The following HOMER2 variants were observed in gnomAD, a reference collection of about 807,000 sequenced individuals.
HOMER2 encodes the protein homer scaffold protein 2, also known as homer protein homolog 2.
Under a neutral mutation model 47.0 loss-of-function variants are expected in HOMER2, and 27 were observed. The observed-to-expected ratio is 0.57, with a 90% CI of 0.42 to 0.79. The LOEUF (loss-of-function observed/expected upper bound fraction) is 0.79, where lower values mean the gene tolerates loss of function less well. Ranked by LOEUF, HOMER2 falls within the 30% of genes least tolerant of loss-of-function variation. HOMER2 has a pLI of 0.00. For synonymous variants in HOMER2, 161 were observed against 163.8 expected (o/e 0.98, Z 0.13); for missense variants, 443 against 435.0 (o/e 1.02, Z -0.16).
At chr15:82,981,358 G>A (rs1407650089) in intron 1 of HOMER2, among the ~76,000 whole-genome samples, 1 of 152,214 alleles carries the variant, frequency 6.6e-6, no homozygotes, top group African/African-American at 2.4e-5. Context: ...TTTGCCTGTA[G>A]ATCATTGGGT....
intron 1 of HOMER2, among the ~76,000 whole-genome samples, chr15:82,896,815 C>A (rs776006589): frequency 2.5e-4 from 38 of 152,168 alleles, no homozygotes; most frequent in Non-Finnish European, 5.0e-4. Flanking sequence ...GAGTTCCATG[C>A]TATTCTTCTA....
At chr15:82,874,771 T>A (rs936466483) in intron 3 of HOMER2, among the ~76,000 whole-genome samples, 5 of 152,224 alleles carry the variant, frequency 3.3e-5, no homozygotes, top group Admixed American at 2.6e-4. Flanking sequence ...AGACAAAGTG[T>A]GCCTTACTTC....
rs2051318024 is a variant in HOMER2 at position 82,849,524 on chromosome 15, C to A, written c.*191G>T. The A allele has an allele frequency of 1.4e-5, 8 of 583,986 alleles. No individual in the cohort carries two copies. The East Asian group carries it at 2.0e-4, about 14-fold the overall frequency. The allele number at this position is 583,986 out of a possible 1,614,324, so 36.2% of individuals were successfully genotyped here. ...TCAGAATCTTCCAGTTGTCCACAAC[C>A]TCACAAGGCCAGAGAAGCGAGAGGA... On this transcript the variant is annotated 3_prime_UTR_variant, in exon 9 of 9. Coordinates refer to ENST00000450735, the MANE Select transcript of HOMER2 (RefSeq NM_004839.4).
chr15:82,892,886 AT>A, intron 1 of HOMER2, 45 bp from the exon 2 acceptor site: 1 of 1,407,528 alleles, frequency 7.1e-7, no homozygotes, highest in South Asian at 1.9e-5. Flanking sequence ...ACATGACTTA[AT>A]GTATAATTTA....
At chr15:82,950,116 A>G (rs1296570612) in intron 1 of HOMER2, among the ~76,000 whole-genome samples, 1 of 152,150 alleles carries the variant, frequency 6.6e-6, no homozygotes, top group Admixed American at 6.5e-5. Context: ...TGGTGGCAAA[A>G]TGAAGACATT....
chr15:82,947,211 T>C (rs765503651), intron 1 of HOMER2, among the ~76,000 whole-genome samples: 11 of 152,204 alleles, frequency 7.2e-5, no homozygotes, highest in Non-Finnish European at 8.8e-5. Flanking sequence ...AAAGACTGTA[T>C]CTATTGCAGT....
intron 4 of HOMER2, 43 bp downstream of exon 4, chr15:82,864,124 T>A: frequency 1.5e-6 from 2 of 1,319,874 alleles, no homozygotes; most frequent in Non-Finnish European, 2.1e-6. Context: ...AGAGTCCCTA[T>A]CACCAACCCC....
At chr15:82,863,685 A>C (rs1036960820) in intron 4 of HOMER2, among the ~76,000 whole-genome samples, 1 of 152,170 alleles carries the variant, frequency 6.6e-6, no homozygotes, top group African/African-American at 2.4e-5. Flanking sequence ...CAATCTTCAC[A>C]CTTTAGACAG....
chr15:82,928,940 T>TAAGAAAAAAAAAAAAAAAAA (rs2053925555), intron 1 of HOMER2, among the ~76,000 whole-genome samples: 1 of 39,942 alleles, frequency 2.5e-5, no homozygotes, highest in Non-Finnish European at 4.0e-5. Flanking sequence ...AAATAAAAAC[T>TAAGAAAAAAAAAAAAAAAAA]AAAAAAAAAA....
At chr15:82,967,635 G>A (rs900149184) in intron 1 of HOMER2, among the ~76,000 whole-genome samples, 6 of 152,134 alleles carry the variant, frequency 3.9e-5, no homozygotes, top group African/African-American at 1.2e-4. Context: ...CAGCACTTTC[G>A]GAGGCTGAGG....
intron 4 of HOMER2, among the ~76,000 whole-genome samples, 163 bp downstream of exon 4, chr15:82,864,004 C>T (rs1193395547): frequency 6.6e-6 from 1 of 152,194 alleles, no homozygotes; most frequent in Non-Finnish European, 1.5e-5. Flanking sequence ...CTAAAAAATT[C>T]AAGAGTCTCA....
At chr15:82,905,361 T>C (rs2053257690) in intron 1 of HOMER2, among the ~76,000 whole-genome samples, 1 of 144,062 alleles carries the variant, frequency 6.9e-6, no homozygotes, top group South Asian at 2.2e-4. Context: ...ATAATAAAAA[T>C]ACTAGAAGGA....
At chr15:82,967,248 C>G (rs1042153050) in intron 1 of HOMER2, among the ~76,000 whole-genome samples, 3 of 151,892 alleles carry the variant, frequency 2.0e-5, no homozygotes, top group African/African-American at 4.8e-5. Flanking sequence ...GAGACCCTGT[C>G]TCAATAAATA....
chr15:82,934,866 C>T (rs1379985204), intron 1 of HOMER2, among the ~76,000 whole-genome samples: 1 of 152,238 alleles, frequency 6.6e-6, no homozygotes, highest in East Asian at 1.9e-4. Flanking sequence ...AACAATTTCA[C>T]ATCACCTTCT....
chr15:82,879,299 C>T (rs2052449735), intron 2 of HOMER2, among the ~76,000 whole-genome samples: 1 of 152,132 alleles, frequency 6.6e-6, no homozygotes, highest in African/African-American at 2.4e-5. Context: ...AGTTCGAGAC[C>T]AGCCTGGACA....
At chr15:82,847,841 C>T (rs768235112), downstream of HOMER2, among the ~76,000 whole-genome samples, 3 of 152,144 alleles carry the variant, frequency 2.0e-5, no homozygotes, top group South Asian at 2.1e-4. Flanking sequence ...TGCTGGGCCA[C>T]GGGGCTGACT....
intron 1 of HOMER2, among the ~76,000 whole-genome samples, chr15:82,898,239 C>G (rs1181919251): frequency 6.6e-6 from 1 of 152,192 alleles, no homozygotes; most frequent in Non-Finnish European, 1.5e-5. Flanking sequence ...CTTGAGAAAG[C>G]AAAAGAGCTA....
At chr15:82,967,282 G>T (rs936352107) in intron 1 of HOMER2, among the ~76,000 whole-genome samples, 2 of 151,916 alleles carry the variant, frequency 1.3e-5, no homozygotes, top group African/African-American at 4.8e-5. Context: ...AATAAAAAAG[G>T]TGTTTGTGAG....
chr15:82,877,858 G>A (rs2052399093), intron 2 of HOMER2, among the ~76,000 whole-genome samples: 1 of 100,724 alleles, frequency 9.9e-6, no homozygotes, highest in African/African-American at 3.8e-5. Context: ...AGCAGGGCGT[G>A]GAAAATGGAG....
Sources: gnomAD v4.1 joint callset for allele counts (sites outside exome capture counted in the v4.1 genomes callset) on GRCh38, gnomAD v4.1.1 for gene constraint, MANE v1.5 for transcripts, NCBI Gene and HGNC (gene_info 2026-07-23, HGNC 2026-07-21) for gene names.